NCF2: variants seen among roughly 807,000 people sequenced by gnomAD.
NCF2 encodes neutrophil cytosol factor 2.
In NCF2, 45 loss-of-function variants were observed where a neutral mutation model predicts 70.9. The ratio of observed to expected loss-of-function variants is 0.63; its 90% CI spans 0.50 to 0.81. The LOEUF is 0.81. Among genes scored for constraint, NCF2 ranks in the 40% least tolerant of loss-of-function variants. NCF2 has a pLI of 0.00. For synonymous variants in NCF2, 203 were observed against 233.6 expected (o/e 0.87, Z 1.19); for missense variants, 522 against 631.6 (o/e 0.83, Z 1.86).
At chr1:183,575,251 CTT>C (rs1558099563) in intron 3 of NCF2, among the ~76,000 whole-genome samples, 1 of 152,208 alleles carries the variant, frequency 6.6e-6, no homozygotes, top group African/African-American at 2.4e-5. Context: ...GGGTGAATCA[CTT>C]GAGGTCAGGA....
chr1:183,574,088 TCAAAA>T (rs764216316), intron 4 of NCF2, among the ~76,000 whole-genome samples: 1 of 152,212 alleles, frequency 6.6e-6, no homozygotes, highest in South Asian at 2.1e-4. Context: ...AGACTCCATC[TCAAAA>T]CAAAACAAAA....
intron 2 of NCF2, among the ~76,000 whole-genome samples, chr1:183,579,426 TAGAATA>T (rs1448665373): frequency 6.6e-6 from 1 of 151,944 alleles, no homozygotes; most frequent in Non-Finnish European, 1.5e-5. Context: ...TCCCCATCTT[TAGAATA>T]AGAGAATAAT....
At chr1:183,570,864 G>A in intron 5 of NCF2, 25 bp from the exon 6 acceptor site, 1 of 1,612,586 alleles carries the variant, frequency 6.2e-7, no homozygotes, top group African/African-American at 1.3e-5. Context: ...AGGAGGGTGT[G>A]AGGCTCTGCC....
intron 2 of NCF2, among the ~76,000 whole-genome samples, chr1:183,582,139 A>G (rs1358317626): frequency 6.6e-6 from 1 of 152,182 alleles, no homozygotes; most frequent in Admixed American, 6.5e-5. Context: ...GGTTCGCAAT[A>G]ATCTCAGTAT....
chr1:183,576,230 C>G (rs1003150051), intron 3 of NCF2, among the ~76,000 whole-genome samples: 1 of 152,158 alleles, frequency 6.6e-6, no homozygotes, highest in Non-Finnish European at 1.5e-5. Context: ...CTGAAAAGTT[C>G]AGCTTTACTT....
chr1:183,599,187 A>C, the NCF2 span, among the ~76,000 whole-genome samples: 2 of 152,106 alleles, frequency 1.3e-5, no homozygotes, highest in Admixed American at 6.5e-5. Flanking sequence ...GTTTGAGACC[A>C]CCCTGGGAAA....
At chr1:183,601,549 G>A in the NCF2 span, among the ~76,000 whole-genome samples, 10 of 152,092 alleles carry the variant, frequency 6.6e-5, no homozygotes, top group Admixed American at 6.5e-4. Flanking sequence ...TTTTTATAAT[G>A]AGGGTAGGTT....
chr1:183,577,789 T>A, intron 2 of NCF2, 82 bp from the exon 3 acceptor site: 1 of 1,007,284 alleles, frequency 9.9e-7, no homozygotes, highest in Non-Finnish European at 1.6e-6. Flanking sequence ...GCTTCTCCCT[T>A]CCCCATCTAT....
At chr1:183,596,512 AC>A in the NCF2 span, among the ~76,000 whole-genome samples, 1 of 152,046 alleles carries the variant, frequency 6.6e-6, no homozygotes, top group Admixed American at 6.6e-5. Flanking sequence ...AGTGGCTCAC[AC>A]CTATAATCCC....
intron 5 of NCF2, 126 bp from the exon 6 acceptor site, chr1:183,570,965 AAG>A: frequency 1.1e-6 from 1 of 882,650 alleles, no homozygotes; most frequent in Non-Finnish European, 1.8e-6. Flanking sequence ...GACAGTAACT[AAG>A]GATTAGATTC....
At chr1:183,575,246 A>G (rs913226548) in intron 3 of NCF2, among the ~76,000 whole-genome samples, 14 of 152,192 alleles carry the variant, frequency 9.2e-5, no homozygotes, top group South Asian at 2.1e-4. Flanking sequence ...AAGGCGGGTG[A>G]ATCACTTGAG....
chr1:183,572,120 T>C (rs1672593424), intron 5 of NCF2, among the ~76,000 whole-genome samples: 1 of 152,156 alleles, frequency 6.6e-6, no homozygotes, highest in Non-Finnish European at 1.5e-5. Flanking sequence ...TCAAATGTGG[T>C]TTTGGAAGGG....
chr1:183,561,112 A>C (rs1287962973), intron 13 of NCF2, among the ~76,000 whole-genome samples: 1 of 152,248 alleles, frequency 6.6e-6, no homozygotes, highest in Admixed American at 6.5e-5. Flanking sequence ...AACATTTCTT[A>C]TACATCTTAG....
chr1:183,556,096 G>T lies in NCF2; in HGVS notation c.*22C>A. The stretch of plus-strand genomic sequence containing the variant: ...AAGTAATAGGGCTTCATTTTCTTCA[G>T]CTTTGTAGTTTGTGAAACATCCTAG... On this transcript the variant is annotated 3_prime_UTR_variant, in exon 15 of 15. Coordinates refer to ENST00000367535, the MANE Select transcript of NCF2 (RefSeq NM_000433.4). 1 of 1,587,182 alleles carries T rather than the reference G, an allele frequency of 6.3e-7. No individual in the cohort carries two copies. The highest frequency in any genetic ancestry group is 8.7e-7 in the Non-Finnish European group (1 of 1,155,478).
In NCF2 at chr1:183,587,156, A is replaced by G. The variant is rs789192; in HGVS notation, c.175-179T>C. 0.49 allele frequency among the ~76,000 whole-genome samples: 75,049 copies of G among 152,070 alleles called. 19,755 individuals carry two copies. Among genetic ancestry groups the G allele is most frequent in the African/African-American group, 0.68 (27,998 of 41,460 alleles). On this transcript the variant is annotated intron_variant, in intron 1 of 14. Coordinates refer to ENST00000367535, the MANE Select transcript of NCF2 (RefSeq NM_000433.4). ...CACCCCACTTCGCTCTCACATTTAG[A>G]AGCTGAAGTCTGGGACAATGGTGTG...
At chr1:183,573,490 A>C (rs1438404812) in intron 4 of NCF2, among the ~76,000 whole-genome samples, 198 bp from the exon 5 acceptor site, 1 of 152,154 alleles carries the variant, frequency 6.6e-6, no homozygotes, top group African/African-American at 2.4e-5. Context: ...GCGAGGCCAC[A>C]TGGACATTGC....
rs749109356 is a variant in NCF2, at chr1:183,590,343, C to A, written c.-14G>T. The A allele has an allele frequency of 4.3e-6, 7 of 1,614,010 alleles. No individual in the cohort carries two copies. In the South Asian group the frequency reaches 6.6e-5, roughly 15 times the overall value. On this transcript the variant is annotated 5_prime_UTR_variant, in exon 1 of 15. Transcript: ENST00000367535. ...CACCAGGGACATGATTAGGTAGAAA[C>A]TAGGAGGCCAAGAGAGCTGCCAGGA...
intron 2 of NCF2, among the ~76,000 whole-genome samples, chr1:183,583,983 G>A (rs1317953111): frequency 6.6e-6 from 1 of 152,226 alleles, no homozygotes; most frequent in East Asian, 1.9e-4. Flanking sequence ...GGTGAAAAAT[G>A]AGGGTCTCAA....
At chr1:183,560,855 G>T (rs1290409653) in intron 13 of NCF2, among the ~76,000 whole-genome samples, 1 of 152,202 alleles carries the variant, frequency 6.6e-6, no homozygotes, top group Non-Finnish European at 1.5e-5. Context: ...GGTAGAATGG[G>T]CATTATTATT....
Sources: allele counts gnomAD v4.1 joint callset (sites outside exome capture counted in the v4.1 genomes callset), GRCh38; gene constraint gnomAD v4.1.1; transcripts MANE v1.5; gene names NCBI Gene and HGNC (gene_info 2026-07-23, HGNC 2026-07-21).